Variants in CHCHD3 observed in about 807,000 individuals in gnomAD.
CHCHD3 encodes the protein MICOS complex subunit MIC19.
CHCHD3 carries 20 observed loss-of-function variants against 38.2 expected under a neutral mutation model. The ratio of observed to expected loss-of-function variants is 0.52; its 90% CI spans 0.37 to 0.76. The LOEUF (loss-of-function observed/expected upper bound fraction) is 0.76, where lower values mean the gene tolerates loss of function less well. Ranked by LOEUF, CHCHD3 falls within the 30% of genes least tolerant of loss-of-function variation. CHCHD3 has a pLI of 0.00. For missense variants in CHCHD3, 245 were observed against 279.2 expected, an observed-to-expected ratio of 0.88 and a Z score of 0.87; for synonymous variants, 82 against 100.0, an observed-to-expected ratio of 0.82 and a Z score of 1.07.
chr7:133,033,820 A>G (rs979573774), intron 2 of CHCHD3, among the ~76,000 whole-genome samples: 9 of 151,978 alleles, frequency 5.9e-5, no homozygotes, highest in Admixed American at 5.9e-4. Flanking sequence ...AATCAAAATT[A>G]CTCTCTGCTA....
chr7:132,958,569 G>A (rs1018184116), intron 4 of CHCHD3, among the ~76,000 whole-genome samples: 1 of 152,090 alleles, frequency 6.6e-6, no homozygotes, highest in Non-Finnish European at 1.5e-5. Context: ...AAATACTCTG[G>A]AGATACATTT....
intron 4 of CHCHD3, among the ~76,000 whole-genome samples, chr7:132,971,325 G>T (rs1477726180): frequency 6.6e-6 from 1 of 152,250 alleles, no homozygotes; most frequent in East Asian, 1.9e-4. Context: ...AAAGCCTCTG[G>T]ATAAAGTCAA....
At chr7:132,966,958 T>C (rs1171468994) in intron 4 of CHCHD3, among the ~76,000 whole-genome samples, 1 of 152,182 alleles carries the variant, frequency 6.6e-6, no homozygotes, top group Non-Finnish European at 1.5e-5. Context: ...TCACAATGAA[T>C]GCCACGTCAT....
chr7:132,942,909 G>A (rs10275173), intron 4 of CHCHD3, among the ~76,000 whole-genome samples: 6,507 of 152,174 alleles, frequency 0.043, 306 homozygotes, highest in African/African-American at 0.12. Context: ...GTTTGCTGCA[G>A]GAGGTCTCTA....
intron 6 of CHCHD3, among the ~76,000 whole-genome samples, chr7:132,814,710 T>A (rs1157770046): frequency 6.6e-6 from 1 of 152,228 alleles, no homozygotes; most frequent in East Asian, 1.9e-4. Context: ...AGAAGTTAAT[T>A]ACACATTACT....
intron 3 of CHCHD3, among the ~76,000 whole-genome samples, chr7:132,995,924 T>C (rs184351552): frequency 6.6e-6 from 1 of 152,214 alleles, no homozygotes; most frequent in Non-Finnish European, 1.5e-5. Flanking sequence ...AGGTGTTTTA[T>C]GTATGTTATT....
chr7:132,843,069 ACT>A (rs1307330594), intron 5 of CHCHD3, among the ~76,000 whole-genome samples: 2 of 151,988 alleles, frequency 1.3e-5, no homozygotes, highest in Non-Finnish European at 2.9e-5. Flanking sequence ...ATGGAATCTC[ACT>A]CTTTCGCCCA....
At chr7:132,943,800 T>C (rs536730415) in intron 4 of CHCHD3, among the ~76,000 whole-genome samples, 7 of 152,284 alleles carry the variant, frequency 4.6e-5, no homozygotes, top group South Asian at 2.1e-4. Context: ...CAATTCAGGT[T>C]AGCCACATAT....
intron 3 of CHCHD3, among the ~76,000 whole-genome samples, chr7:132,985,921 G>C (rs1268941084): frequency 6.6e-6 from 1 of 150,786 alleles, no homozygotes; most frequent in Non-Finnish European, 1.5e-5. Flanking sequence ...AGCTCATTGA[G>C]AACGGGCCAT....
chr7:132,972,867 T>A (rs1385505398), intron 4 of CHCHD3: 1 of 985,318 alleles, frequency 1.0e-6, no homozygotes, highest in Non-Finnish European at 1.2e-6. Context: ...CAAATCAGAA[T>A]GTACGAGGCC....
chr7:132,817,049 C>A (rs1260141211), intron 6 of CHCHD3, among the ~76,000 whole-genome samples: 1 of 152,156 alleles, frequency 6.6e-6, no homozygotes, highest in Non-Finnish European at 1.5e-5. Flanking sequence ...TCTTCTCTGT[C>A]TTTACCTGGG....
chr7:132,986,031 G>C (rs1305072180), intron 3 of CHCHD3, among the ~76,000 whole-genome samples: 2 of 150,904 alleles, frequency 1.3e-5, no homozygotes, highest in Non-Finnish European at 3.0e-5. Context: ...AGGTAGACAT[G>C]GGAGACTTTT....
intron 3 of CHCHD3, among the ~76,000 whole-genome samples, chr7:133,008,473 T>C (rs930547267): frequency 9.4e-5 from 14 of 148,328 alleles, no homozygotes; most frequent in African/African-American, 3.0e-4. Context: ...AGGAAGGAGA[T>C]ATATTTATAT....
chr7:132,985,672 G>A (rs1812091804), intron 3 of CHCHD3, among the ~76,000 whole-genome samples: 2 of 54,728 alleles, frequency 3.7e-5, no homozygotes, highest in South Asian at 1.2e-3. Flanking sequence ...CCATCCGGGA[G>A]GGAGGTGGGG....
intron 4 of CHCHD3, among the ~76,000 whole-genome samples, chr7:132,908,416 T>C (rs1300866098): frequency 1.3e-5 from 2 of 152,224 alleles, no homozygotes; most frequent in Admixed American, 1.3e-4. Context: ...TTAAATGTCT[T>C]AATTTTAATA....
intron 7 of CHCHD3, among the ~76,000 whole-genome samples, chr7:132,789,912 G>C (rs1439165615): frequency 6.6e-6 from 1 of 152,206 alleles, no homozygotes; most frequent in Admixed American, 6.5e-5. Context: ...GTCAGGAAAA[G>C]TGGGGAGTGG....
chr7:132,881,003 A>G (rs1809037220), intron 5 of CHCHD3, among the ~76,000 whole-genome samples: 1 of 152,186 alleles, frequency 6.6e-6, no homozygotes, highest in Admixed American at 6.5e-5. Flanking sequence ...CAATTAGGCA[A>G]GACACCTAAA....
chr7:132,830,653 G>A (rs1807623589), intron 6 of CHCHD3: 1 of 152,142 alleles, frequency 6.6e-6, no homozygotes. Flanking sequence ...CATATACAAA[G>A]TATATTCATA....
At position 132,975,833 on chromosome 7, in the gene CHCHD3, A is replaced by C. The variant is rs1050624199; in HGVS notation, c.252-547T>G. On this transcript the variant is annotated intron_variant, in intron 3 of 7. Coordinates refer to ENST00000262570, the MANE Select transcript of CHCHD3 (RefSeq NM_017812.4). ...GTAATCCCAGCTACCTGGGAGGCTG[A>C]GGCAGGAGAACTGCTTGAGCCTGGG... Among the ~76,000 whole-genome samples, 6 of 151,674 alleles carry C rather than the reference A, an allele frequency of 4.0e-5. No homozygotes were observed. The East Asian group carries it at 1.2e-3, about 30-fold the overall frequency.
Sources: allele counts gnomAD v4.1 joint callset (sites outside exome capture counted in the v4.1 genomes callset), GRCh38; gene constraint gnomAD v4.1.1; transcripts MANE v1.5; gene names NCBI Gene and HGNC (gene_info 2026-07-23, HGNC 2026-07-21).